The following STAG1 variants were observed in gnomAD, a reference collection of about 807,000 sequenced individuals.
The protein encoded by STAG1 is cohesin subunit SA-1.
STAG1 carries 26 observed loss-of-function variants against 170.9 expected under a neutral mutation model. That is an observed-to-expected ratio of 0.15 (90% CI 0.11 to 0.21). The LOEUF is 0.21. Ranked by LOEUF, STAG1 falls within the 10% of genes least tolerant of loss-of-function variation. The pLI, the probability that STAG1 is intolerant of heterozygous loss-of-function variation, is 1.00. For missense variants in STAG1, 964 were observed against 1,509.5 expected (o/e 0.64, Z 5.99); for synonymous variants, 514 against 497.7 (o/e 1.03, Z -0.44).
chr3:136,472,609 CT>C, intron 11 of STAG1, 117 bp from the exon 12 acceptor site: 1 of 646,948 alleles, frequency 1.5e-6, no homozygotes, highest in Non-Finnish European at 2.6e-6. Flanking sequence ...AAATAAAAAG[CT>C]TTACTCTTGA....
At chr3:136,475,043 T>C (rs575374362) in intron 10 of STAG1, among the ~76,000 whole-genome samples, 2 of 152,096 alleles carry the variant, frequency 1.3e-5, no homozygotes, top group Non-Finnish European at 2.9e-5. Flanking sequence ...CCAATCTCCC[T>C]GTGAGATCAG....
chr3:136,671,903 A>G (rs1298895829), intron 1 of STAG1, among the ~76,000 whole-genome samples: 1 of 152,234 alleles, frequency 6.6e-6, no homozygotes, highest in East Asian at 1.9e-4. Flanking sequence ...AGAAAAAGAA[A>G]AAAAGTAAAC....
At chr3:136,586,566 G>C (rs926328001) in intron 4 of STAG1, among the ~76,000 whole-genome samples, 2 of 152,174 alleles carry the variant, frequency 1.3e-5, no homozygotes, top group Admixed American at 1.3e-4. Flanking sequence ...CCTATTTAAA[G>C]TTTCTAACTT....
chr3:136,529,805 T>C (rs980928429), intron 6 of STAG1, among the ~76,000 whole-genome samples: 3 of 151,486 alleles, frequency 2.0e-5, no homozygotes, highest in African/African-American at 4.9e-5. Flanking sequence ...AGAAAAACAA[T>C]AGGAGAAAAA....
chr3:136,397,506 A>G lies in STAG1; in HGVS notation c.2277+1243T>C, dbSNP rs372803538. Among the ~76,000 whole-genome samples, 32 of 152,178 alleles carry G rather than the reference A, an allele frequency of 2.1e-4. No homozygotes were observed. The East Asian group carries it at 4.8e-3, about 23-fold the overall frequency. On this transcript the variant is annotated intron_variant, in intron 22 of 33. Transcript: ENST00000383202. Reference sequence around the variant, plus strand: ...TGAATTCAGGTGAAAACCTATGCAAAAGCTAAGTCATAAACTTTCATGGGA... The same window carrying G: ...TGAATTCAGGTGAAAACCTATGCAAGAGCTAAGTCATAAACTTTCATGGGA...
chr3:136,478,706 T>C (rs926895209), intron 9 of STAG1, among the ~76,000 whole-genome samples: 1 of 152,206 alleles, frequency 6.6e-6, no homozygotes, highest in Non-Finnish European at 1.5e-5. Flanking sequence ...TGCTTAAGGA[T>C]AAAAACAGGG....
intron 13 of STAG1, among the ~76,000 whole-genome samples, chr3:136,463,768 T>TGA (rs755853025): frequency 2.6e-5 from 1 of 38,590 alleles, no homozygotes; most frequent in Non-Finnish European, 4.4e-5. Context: ...TGTGTGTGTG[T>TGA]ATACACACAC....
rs1470791770 is a variant in STAG1 at position 136,592,612 on chromosome 3, T to C, written c.297+11697A>G. ...TTCTTATATTTCCCCAACTTTCTCC[T>C]GATGGTGACCACCAGAACTACAATG... is the stretch of plus-strand genomic sequence containing the variant. On this transcript the variant is annotated intron_variant, in intron 4 of 33. Transcript: ENST00000383202. Among the ~76,000 whole-genome samples the C allele has an allele frequency of 2.6e-5, 4 of 152,324 alleles. No homozygotes were observed. In the South Asian group the frequency reaches 6.2e-4, roughly 24 times the overall value.
intron 5 of STAG1, among the ~76,000 whole-genome samples, chr3:136,544,546 T>G (rs1936059821): frequency 6.6e-6 from 1 of 151,996 alleles, no homozygotes. Flanking sequence ...GCAGACTGCT[T>G]AAGATCAAGA....
chr3:136,749,992 C>T (rs1935146203), intron 1 of STAG1, among the ~76,000 whole-genome samples: 1 of 150,834 alleles, frequency 6.6e-6, no homozygotes, highest in Non-Finnish European at 1.5e-5. Flanking sequence ...AAAGGGGAAA[C>T]AAGAACGTAT....
chr3:136,585,240 C>G (rs557460464), intron 4 of STAG1, among the ~76,000 whole-genome samples: 8 of 152,218 alleles, frequency 5.3e-5, no homozygotes, highest in South Asian at 2.1e-4. Flanking sequence ...TCAGGAGTTT[C>G]AGACCAGCCT....
At chr3:136,485,220 G>A (rs1253933039) in intron 9 of STAG1, among the ~76,000 whole-genome samples, 1 of 152,178 alleles carries the variant, frequency 6.6e-6, no homozygotes, top group Non-Finnish European at 1.5e-5. Context: ...CACTTTGGGA[G>A]GCTGAGGTGG....
chr3:136,609,388 A>T (rs912027150), intron 3 of STAG1: 7 of 148,386 alleles, frequency 4.7e-5, no homozygotes, highest in Non-Finnish European at 8.9e-5. Context: ...TTTGTATATA[A>T]ATTTGTATAT....
chr3:136,704,211 T>C (rs1169386922), intron 1 of STAG1, among the ~76,000 whole-genome samples: 1 of 151,726 alleles, frequency 6.6e-6, no homozygotes, highest in Non-Finnish European at 1.5e-5. Flanking sequence ...CCACGACGCC[T>C]GGCTACTTTT....
At position 136,369,139 on chromosome 3, in the gene STAG1, A is replaced by G; in HGVS notation, c.2514T>C (p.Phe838=). 1 of 1,579,674 alleles carries G rather than the reference A, an allele frequency of 6.3e-7. No homozygotes were observed. The highest frequency in any genetic ancestry group is 8.6e-7 in the Non-Finnish European group (1 of 1,167,978). ...TCTGGTTCTCCTCGTCTTGGTCAAT[A>G]AAAACGTGATCCATCACAAAACTGA... ...ELLSFVMDHV[F]IDQDEENQSM... The change falls in exon 24 of 34, where the codon TTT becomes TTC. Residue 838 remains phenylalanine (F), a synonymous_variant. Transcript: ENST00000383202.
intron 4 of STAG1, among the ~76,000 whole-genome samples, chr3:136,603,245 G>A (rs1938761658): frequency 6.6e-6 from 1 of 151,668 alleles, no homozygotes; most frequent in East Asian, 1.9e-4. Context: ...AGGCTGGAGT[G>A]CAGTGGCACA....
chr3:136,376,893 C>T (rs559482788), intron 23 of STAG1, among the ~76,000 whole-genome samples: 2 of 151,594 alleles, frequency 1.3e-5, no homozygotes, highest in Non-Finnish European at 2.9e-5. Flanking sequence ...CGGGTTCATG[C>T]GATTCTCCTG....
At chr3:136,652,394 G>C (rs1213795286) in intron 1 of STAG1, among the ~76,000 whole-genome samples, 1 of 152,140 alleles carries the variant, frequency 6.6e-6, no homozygotes, top group Non-Finnish European at 1.5e-5. Context: ...CACATTTTAA[G>C]TGATAATACT....
At chr3:136,716,230 G>A (rs1340412862) in intron 1 of STAG1, among the ~76,000 whole-genome samples, 1 of 152,090 alleles carries the variant, frequency 6.6e-6, no homozygotes, top group African/African-American at 2.4e-5. Flanking sequence ...GCTGAGATGG[G>A]TGGATCACCT....
Sources: gnomAD v4.1 joint callset for allele counts (sites outside exome capture counted in the v4.1 genomes callset) on GRCh38, gnomAD v4.1.1 for gene constraint, MANE v1.5 for transcripts, NCBI Gene and HGNC (gene_info 2026-07-23, HGNC 2026-07-21) for gene names.